Variants in PRP4K observed in about 807,000 individuals in gnomAD.
PRP4K encodes the protein pre-mRNA processing factor kinase PRP4K, also known as serine/threonine-protein kinase PRP4 homolog.
At chr6:4,043,642 T>G in the PRP4K span, among the ~76,000 whole-genome samples, 1 of 152,250 alleles carries the variant, frequency 6.6e-6, no homozygotes, top group African/African-American at 2.4e-5. Flanking sequence ...TTTTGTGAAT[T>G]TAGAAATTAC....
chr6:4,060,039 AGAT>A, the PRP4K span, among the ~76,000 whole-genome samples: 1 of 152,262 alleles, frequency 6.6e-6, no homozygotes, highest in Non-Finnish European at 1.5e-5. This position sits in a 1 kb window ranked among gnomAD's most constrained non-coding sequence, Gnocchi z 4.7. Context: ...TTAAATGAAT[AGAT>A]GATGATGATA....
the PRP4K span, among the ~76,000 whole-genome samples, chr6:4,034,702 A>C: frequency 6.6e-6 from 1 of 151,716 alleles, no homozygotes; most frequent in Non-Finnish European, 1.5e-5. Flanking sequence ...CTTTATTTTT[A>C]TTTATTTATT....
chr6:4,041,872 A>G, the PRP4K span, among the ~76,000 whole-genome samples: 1 of 152,374 alleles, frequency 6.6e-6, no homozygotes, highest in South Asian at 2.1e-4. Context: ...TGATAGAATC[A>G]GAGTATAGTT....
At chr6:4,045,256 G>T in the PRP4K span, among the ~76,000 whole-genome samples, 1 of 152,118 alleles carries the variant, frequency 6.6e-6, no homozygotes, top group African/African-American at 2.4e-5. Flanking sequence ...AAAGTATTCT[G>T]TTCCCCCACC....
the PRP4K span, chr6:4,040,632 T>C: frequency 1.1e-6 from 1 of 895,992 alleles, no homozygotes; most frequent in Non-Finnish European, 1.7e-6. Flanking sequence ...AAAAATAGAC[T>C]ATATTTTAGA....
chr6:4,045,452 A>G, the PRP4K span, among the ~76,000 whole-genome samples: 1 of 152,210 alleles, frequency 6.6e-6, no homozygotes, highest in Admixed American at 6.5e-5. Flanking sequence ...TTAATAGGAA[A>G]TGCCATTTAG....
chr6:4,047,322 A>G, the PRP4K span: 1 of 1,148,288 alleles, frequency 8.7e-7, no homozygotes, highest in Non-Finnish European at 1.3e-6. Context: ...CATATAGAGA[A>G]AGAAGAATAA....
At chr6:4,043,132 A>C in the PRP4K span, among the ~76,000 whole-genome samples, 1 of 152,344 alleles carries the variant, frequency 6.6e-6, no homozygotes, top group Admixed American at 6.5e-5. Context: ...CTTCGAAGAC[A>C]AAAGGAGAAA....
chr6:4,049,445 G>A, the PRP4K span: 7 of 475,396 alleles, frequency 1.5e-5, no homozygotes, highest in East Asian at 1.8e-4. Flanking sequence ...TTGGATGCCA[G>A]TCATGCGGTA....
the PRP4K span, among the ~76,000 whole-genome samples, chr6:4,033,765 T>C: frequency 6.6e-6 from 1 of 152,228 alleles, no homozygotes. Context: ...TTTCAAATTT[T>C]ATTTCCAAGT....
chr6:4,029,012 C>CTTTTTTATTTTTTTT, the PRP4K span, among the ~76,000 whole-genome samples: 1 of 132,484 alleles, frequency 7.5e-6, no homozygotes. Flanking sequence ...TACTTGGAAT[C>CTTTTTTATTTTTTTT]TTTTTTTTTT....
chr6:4,035,284 A>ATTTTTTTTTTTTTTTTTTTTTTTTTTTTT, the PRP4K span, among the ~76,000 whole-genome samples: 7 of 58,800 alleles, frequency 1.2e-4, 2 homozygotes, highest in Non-Finnish European at 1.4e-4. Flanking sequence ...CGCCCGGCTA[A>ATTTTTTTTTTTTTTTTTTTTTTTTTTTTT]TTTTTTTTTT....
the PRP4K span, among the ~76,000 whole-genome samples, chr6:4,029,339 ATTTT>A: frequency 5.1e-5 from 6 of 117,494 alleles, no homozygotes; most frequent in African/African-American, 6.6e-5. Flanking sequence ...GTGTTACTCA[ATTTT>A]TTTTTTTTTT....
At chr6:4,032,705 C>T in the PRP4K span, 1 of 1,593,436 alleles carries the variant, frequency 6.3e-7, no homozygotes, top group Admixed American at 1.9e-5. Context: ...AGAGCCGATC[C>T]TTAGAAAGAA....
the PRP4K span, among the ~76,000 whole-genome samples, chr6:4,029,010 A>ATTTTTTTTTTTTTTT: frequency 6.4e-5 from 7 of 110,138 alleles, no homozygotes; most frequent in Non-Finnish European, 9.9e-5. Flanking sequence ...TCTACTTGGA[A>ATTTTTTTTTTTTTTT]TCTTTTTTTT....
chr6:4,022,295 A>G, the PRP4K span, among the ~76,000 whole-genome samples: 1 of 134,200 alleles, frequency 7.5e-6, no homozygotes, highest in African/African-American at 3.2e-5. Context: ...ATGCGGCCAA[A>G]TGAAAAATGA....
the PRP4K span, among the ~76,000 whole-genome samples, chr6:4,023,782 T>C: frequency 6.6e-6 from 1 of 152,156 alleles, no homozygotes; most frequent in South Asian, 2.1e-4. Context: ...AACATTATCA[T>C]GGCTCATTGT....
the PRP4K span, among the ~76,000 whole-genome samples, chr6:4,030,666 C>T: frequency 6.6e-6 from 1 of 152,182 alleles, no homozygotes; most frequent in East Asian, 1.9e-4. Flanking sequence ...ATTTCCATAG[C>T]ATCTGTTAAT....
At chr6:4,048,851 G>C in the PRP4K span, among the ~76,000 whole-genome samples, 1 of 150,496 alleles carries the variant, frequency 6.6e-6, no homozygotes, top group African/African-American at 2.5e-5. Flanking sequence ...TTGGTCTCAT[G>C]TTTCAGCTAT....
Sources: gnomAD v4.1 joint callset for allele counts (sites outside exome capture counted in the v4.1 genomes callset) on GRCh38, gnomAD v4.1.1 for gene constraint, Gnocchi (gnomAD v3.1) non-coding constraint, MANE v1.5 for transcripts, NCBI Gene and HGNC (gene_info 2026-07-23, HGNC 2026-07-21) for gene names.